Variants in SLC25A21 observed in about 807,000 individuals in gnomAD.
The protein encoded by SLC25A21 is solute carrier family 25 member 21.
SLC25A21 carries 47 observed loss-of-function variants against 43.8 expected under a neutral mutation model. The ratio of observed to expected loss-of-function variants is 1.07; its 90% CI spans 0.85 to 1.37. SLC25A21 has a LOEUF of 1.37. Among genes scored for constraint, SLC25A21 ranks in the 40% most tolerant of loss-of-function variants. The probability of loss-of-function intolerance (pLI) is 0.00; values close to 1 mark genes in which losing one functional copy is unlikely to be tolerated. For missense variants in SLC25A21, 352 were observed against 350.2 expected (o/e 1.00, Z -0.04); for synonymous variants, 131 against 121.3 (o/e 1.08, Z -0.52).
At chr14:37,004,493 T>A in intron 1 of SLC25A21, among the ~76,000 whole-genome samples, 1 of 152,210 alleles carries the variant, frequency 6.6e-6, no homozygotes, top group Non-Finnish European at 1.5e-5. Context: ...AGTGAAAAGA[T>A]GTAATTCATG....
chr14:36,832,495 T>C (rs1230898872), intron 2 of SLC25A21, among the ~76,000 whole-genome samples: 2 of 152,188 alleles, frequency 1.3e-5, no homozygotes, highest in Non-Finnish European at 2.9e-5. Flanking sequence ...TTTTTTGCAC[T>C]TTTATAGTTG....
chr14:36,776,086 A>G (rs116148531), intron 3 of SLC25A21, among the ~76,000 whole-genome samples: 2,976 of 151,596 alleles, frequency 0.02, 76 homozygotes, highest in African/African-American at 0.067. Flanking sequence ...CACTAATTCC[A>G]GTCTATTGGA....
chr14:36,900,387 C>A (rs891761694), intron 1 of SLC25A21, among the ~76,000 whole-genome samples: 2 of 152,066 alleles, frequency 1.3e-5, no homozygotes, highest in Non-Finnish European at 2.9e-5. Flanking sequence ...AAGGTCAGAG[C>A]TTTAAATCTC....
intron 1 of SLC25A21, among the ~76,000 whole-genome samples, chr14:37,031,828 C>A (rs1409048306): frequency 1.3e-5 from 2 of 152,226 alleles, no homozygotes; most frequent in Non-Finnish European, 2.9e-5. Context: ...CAAGGTCACA[C>A]AACTGGTTGG....
chr14:36,725,536 T>C, intron 6 of SLC25A21, 34 bp downstream of exon 6: 1 of 896,002 alleles, frequency 1.1e-6, no homozygotes, highest in East Asian at 3.0e-5. Context: ...AATTTTTACA[T>C]GCCCCTAACA....
intron 1 of SLC25A21, among the ~76,000 whole-genome samples, chr14:36,954,636 T>C (rs1021307976): frequency 6.6e-6 from 1 of 152,108 alleles, no homozygotes; most frequent in African/African-American, 2.4e-5. Flanking sequence ...TAAATAACAA[T>C]GTATTGTATT....
chr14:36,702,475 C>CAAAAAAAAAAAAAAAAAAAAGAAA (rs1883317956), intron 7 of SLC25A21, among the ~76,000 whole-genome samples: 1 of 66,164 alleles, frequency 1.5e-5, no homozygotes, highest in African/African-American at 5.9e-5. Flanking sequence ...CCTGTCTCCA[C>CAAAAAAAAAAAAAAAAAAAAGAAA]AAAAAAAAAA....
intron 3 of SLC25A21, among the ~76,000 whole-genome samples, chr14:36,760,050 C>T (rs1329530087): frequency 1.3e-5 from 2 of 152,130 alleles, no homozygotes; most frequent in African/African-American, 4.8e-5. Context: ...CAGTGTACAT[C>T]TTTCCCATGC....
chr14:36,731,615 T>C (rs1884830046), intron 4 of SLC25A21, among the ~76,000 whole-genome samples: 1 of 152,194 alleles, frequency 6.6e-6, no homozygotes, highest in African/African-American at 2.4e-5. Flanking sequence ...GCTGAAGCTT[T>C]CCAGTCTGGC....
intron 6 of SLC25A21, among the ~76,000 whole-genome samples, chr14:36,716,559 TG>T (rs1281236817): frequency 6.6e-6 from 1 of 152,022 alleles, no homozygotes; most frequent in Non-Finnish European, 1.5e-5. Context: ...ATACAAAAAA[TG>T]TTAAAAAGAG....
intron 3 of SLC25A21, among the ~76,000 whole-genome samples, chr14:36,735,803 C>T (rs932030162): frequency 7.7e-6 from 1 of 129,792 alleles, no homozygotes; most frequent in African/African-American, 3.2e-5. Context: ...GGGTTCTTAT[C>T]CCAGAATCCT....
intron 4 of SLC25A21, among the ~76,000 whole-genome samples, chr14:36,732,946 C>A (rs1237709279): frequency 6.6e-6 from 1 of 152,162 alleles, no homozygotes; most frequent in East Asian, 1.9e-4. Context: ...ACACCATATT[C>A]AGTTGCCCAA....
intron 1 of SLC25A21, among the ~76,000 whole-genome samples, chr14:37,170,799 A>T (rs2138962858): frequency 6.6e-6 from 1 of 151,860 alleles, no homozygotes; most frequent in Non-Finnish European, 1.5e-5. Flanking sequence ...CTCCCCAAAA[A>T]ACTAGCCGGG....
intron 7 of SLC25A21, 37 bp downstream of exon 7, chr14:36,711,281 A>G (rs1311451217): frequency 2.5e-6 from 4 of 1,598,334 alleles, no homozygotes; most frequent in Non-Finnish European, 3.4e-6. Flanking sequence ...CACTGATAGG[A>G]TTTTTCCTCC....
intron 1 of SLC25A21, among the ~76,000 whole-genome samples, chr14:36,975,905 CATT>C (rs1959859984): frequency 6.6e-6 from 1 of 152,184 alleles, no homozygotes; most frequent in African/African-American, 2.4e-5. Context: ...TAAAAATGAG[CATT>C]GCAGAGAAAA....
intron 2 of SLC25A21, among the ~76,000 whole-genome samples, chr14:36,844,065 TTCAG>T (rs1329089071): frequency 4.6e-5 from 7 of 152,212 alleles, no homozygotes; most frequent in Admixed American, 2.6e-4. Flanking sequence ...GTGTGCACTT[TTCAG>T]TGTGTCACAT....
At chr14:37,154,540 T>G (rs1963813828) in intron 1 of SLC25A21, among the ~76,000 whole-genome samples, 1 of 152,096 alleles carries the variant, frequency 6.6e-6, no homozygotes, top group African/African-American at 2.4e-5. Flanking sequence ...AAAGACATTT[T>G]CAAAATCCCA....
At chr14:37,167,121 T>C (rs1158428859) in intron 1 of SLC25A21, among the ~76,000 whole-genome samples, 1 of 152,126 alleles carries the variant, frequency 6.6e-6, no homozygotes, top group Non-Finnish European at 1.5e-5. Flanking sequence ...ACAAAATGTG[T>C]AGGAGAGGGT....
intron 1 of SLC25A21, among the ~76,000 whole-genome samples, chr14:36,972,280 C>T (rs1164928772): frequency 2.0e-5 from 3 of 152,138 alleles, no homozygotes; most frequent in African/African-American, 7.2e-5. Context: ...TGTATAAGGA[C>T]AAAAGCACCT....
Sources: allele counts gnomAD v4.1 joint callset (sites outside exome capture counted in the v4.1 genomes callset), GRCh38; gene constraint gnomAD v4.1.1; transcripts MANE v1.5; gene names NCBI Gene and HGNC (gene_info 2026-07-23, HGNC 2026-07-21).